Variants in PPP1R12A observed in about 807,000 individuals in gnomAD.
The protein encoded by PPP1R12A is protein phosphatase 1 regulatory subunit 12A, also known as myosin binding subunit.
PPP1R12A carries 19 observed loss-of-function variants against 139.6 expected under a neutral mutation model. That is an observed-to-expected ratio of 0.14 (90% CI 0.09 to 0.20). PPP1R12A has a LOEUF of 0.20. Ranked by LOEUF, PPP1R12A falls within the 10% of genes least tolerant of loss-of-function variation. The pLI, the probability that PPP1R12A is intolerant of heterozygous loss-of-function variation, is 1.00. For missense variants in PPP1R12A, 925 were observed against 1,211.5 expected (o/e 0.76, Z 3.51); for synonymous variants, 427 against 420.6 (o/e 1.02, Z -0.19).
intron 1 of PPP1R12A, among the ~76,000 whole-genome samples, chr12:79,890,915 A>ACACCCACC (rs1565800309): frequency 6.8e-6 from 1 of 147,192 alleles, no homozygotes; most frequent in Non-Finnish European, 1.5e-5. Flanking sequence ...CCACACACAC[A>ACACCCACC]CACACACACA....
intron 1 of PPP1R12A, among the ~76,000 whole-genome samples, chr12:79,912,455 G>A (rs1242304699): frequency 6.6e-6 from 1 of 152,058 alleles, no homozygotes; most frequent in Non-Finnish European, 1.5e-5. Context: ...ACTTTGGAAG[G>A]CCAAGGCGGG....
chr12:79,837,776 C>T (rs967201457), intron 3 of PPP1R12A, among the ~76,000 whole-genome samples: 1 of 152,188 alleles, frequency 6.6e-6, no homozygotes, highest in African/African-American at 2.4e-5. Context: ...GACGTGTTTG[C>T]TTCTCCTTCC....
At chr12:79,881,514 A>G (rs1323653538) in intron 1 of PPP1R12A, among the ~76,000 whole-genome samples, 1 of 152,186 alleles carries the variant, frequency 6.6e-6, no homozygotes, top group Non-Finnish European at 1.5e-5. Flanking sequence ...GAGGTGAGGA[A>G]GCTGGAGAAG....
At chr12:79,920,738 G>A (rs759210275) in intron 1 of PPP1R12A, among the ~76,000 whole-genome samples, 3 of 152,228 alleles carry the variant, frequency 2.0e-5, no homozygotes, top group African/African-American at 2.4e-5. Context: ...TATCACACTC[G>A]GCCCCCTCAC....
At chr12:79,861,374 C>G (rs1475345715) in intron 2 of PPP1R12A, among the ~76,000 whole-genome samples, 1 of 152,176 alleles carries the variant, frequency 6.6e-6, no homozygotes, top group East Asian at 1.9e-4. Flanking sequence ...CAGTTCTGGT[C>G]TGCAGCTCCC....
In PPP1R12A at chr12:79,843,378, C is replaced by T. The variant is rs528799306; in HGVS notation, c.487+1924G>A. On this transcript the variant is annotated intron_variant, in intron 3 of 24. Coordinates refer to ENST00000450142, the MANE Select transcript of PPP1R12A (RefSeq NM_002480.3). ...ATCACCAGAAGTCAGGAGGTGGAGA[C>T]CAGCCTGGCCAACACGGTAAAACCC... Among the ~76,000 whole-genome samples, 4 of 151,948 alleles carry T rather than the reference C, an allele frequency of 2.6e-5. No homozygotes were observed. The South Asian group carries it at 8.3e-4, about 32-fold the overall frequency.
chr12:79,789,632 A>G (rs1228539671), intron 20 of PPP1R12A: 8 of 453,650 alleles, frequency 1.8e-5, no homozygotes, highest in African/African-American at 8.0e-5. Flanking sequence ...CTGCATTTCA[A>G]TTCAATAGAA....
intron 1 of PPP1R12A, 149 bp downstream of exon 1, chr12:79,934,546 C>T (rs567346867): frequency 6.9e-4 from 506 of 734,794 alleles, no homozygotes; most frequent in Middle Eastern, 2.8e-3. Flanking sequence ...GCTCTCCCTC[C>T]CGCCCTCTGG....
rs2137510704 is a variant in PPP1R12A, at chr12:79,908,198, T to A, written c.237+26497A>T. Among the ~76,000 whole-genome samples, 3 of 152,248 alleles carry A rather than the reference T, an allele frequency of 2.0e-5. No homozygotes were observed. The Middle Eastern group carries it at 0.01, about 518-fold the overall frequency. ...AGTGTCTTCCACAGTAATTAAAGAGTAGAATCCTTTCTGAAAATTCATTTC... is the reference window on the plus strand; with the variant it reads ...AGTGTCTTCCACAGTAATTAAAGAGAAGAATCCTTTCTGAAAATTCATTTC... On this transcript the variant is annotated intron_variant, in intron 1 of 24. Coordinates refer to ENST00000450142, the MANE Select transcript of PPP1R12A (RefSeq NM_002480.3).
chr12:79,850,146 G>T (rs1179771007), intron 2 of PPP1R12A, among the ~76,000 whole-genome samples: 1 of 152,100 alleles, frequency 6.6e-6, no homozygotes, highest in East Asian at 1.9e-4. Flanking sequence ...AATGAAAAAT[G>T]GTAATCTGAC....
intron 2 of PPP1R12A, among the ~76,000 whole-genome samples, chr12:79,855,076 C>T (rs1179127177): frequency 6.6e-6 from 1 of 152,074 alleles, no homozygotes; most frequent in Non-Finnish European, 1.5e-5. Flanking sequence ...GTAAGCTCCG[C>T]CTCCCGGGTT....
In PPP1R12A at chr12:79,911,233, C is replaced by T. The variant is rs114097628; in HGVS notation, c.237+23462G>A. ...GACACCTTTTCTCCATTTCCTAAAA[C>T]CAACAACCCTCCAGGCGCAACACCC... is the stretch of plus-strand genomic sequence containing the variant. On this transcript the variant is annotated intron_variant, in intron 1 of 24. Transcript: ENST00000450142. Among the ~76,000 whole-genome samples, 1,123 of 152,282 alleles carry T rather than the reference C, an allele frequency of 7.4e-3. 11 individuals are homozygous for T. Among genetic ancestry groups the T allele is most frequent in the African/African-American group, 0.026 (1,078 of 41,538 alleles).
chr12:79,875,811 C>T (rs1160918927), intron 1 of PPP1R12A, among the ~76,000 whole-genome samples: 4 of 152,124 alleles, frequency 2.6e-5, no homozygotes, highest in African/African-American at 9.7e-5. Flanking sequence ...TAGACCATTA[C>T]CTTTATCTAC....
intron 5 of PPP1R12A, among the ~76,000 whole-genome samples, chr12:79,827,684 C>T (rs982051202): frequency 2.0e-5 from 3 of 152,040 alleles, no homozygotes; most frequent in African/African-American, 7.2e-5. Context: ...TTGTGAAAAA[C>T]GCTTGTATGA....
intron 1 of PPP1R12A, among the ~76,000 whole-genome samples, chr12:79,927,728 G>A (rs970873747): frequency 6.6e-6 from 1 of 152,200 alleles, no homozygotes; most frequent in Non-Finnish European, 1.5e-5. Flanking sequence ...AGCATGTTGT[G>A]AAAATTAAAC....
intron 14 of PPP1R12A, among the ~76,000 whole-genome samples, chr12:79,800,531 T>C (rs1321527929): frequency 6.6e-6 from 1 of 151,768 alleles, no homozygotes; most frequent in East Asian, 1.9e-4. Context: ...AATGGTAGGC[T>C]ATTAATTTAG....
intron 1 of PPP1R12A, among the ~76,000 whole-genome samples, chr12:79,881,362 G>A (rs1181328048): frequency 6.6e-6 from 1 of 152,172 alleles, no homozygotes; most frequent in Non-Finnish European, 1.5e-5. Context: ...CACACAAATG[G>A]TAAGAAAGCA....
chr12:79,841,523 TA>T (rs1325407153), intron 3 of PPP1R12A, among the ~76,000 whole-genome samples: 3 of 152,202 alleles, frequency 2.0e-5, no homozygotes, highest in African/African-American at 7.2e-5. Flanking sequence ...TAATCAGTTC[TA>T]AATGAATCAT....
At chr12:79,928,773 T>A (rs765005709) in intron 1 of PPP1R12A, among the ~76,000 whole-genome samples, 21 of 152,188 alleles carry the variant, frequency 1.4e-4, no homozygotes, top group Non-Finnish European at 2.9e-4. Context: ...ACACTTCACA[T>A]CTTAAGAAGA....
Sources: gnomAD v4.1 joint callset for allele counts (sites outside exome capture counted in the v4.1 genomes callset) on GRCh38, gnomAD v4.1.1 for gene constraint, MANE v1.5 for transcripts, NCBI Gene and HGNC (gene_info 2026-07-23, HGNC 2026-07-21) for gene names.